The following CA10 variants were observed in gnomAD, a reference collection of about 807,000 sequenced individuals.
CA10 encodes carbonic anhydrase 10 (inactive).
Under a neutral mutation model 44.2 loss-of-function variants are expected in CA10, and 14 were observed. That is an observed-to-expected ratio of 0.32 (90% CI 0.21 to 0.50). The LOEUF (loss-of-function observed/expected upper bound fraction) is 0.50, where lower values mean the gene tolerates loss of function less well. Ranked by LOEUF, CA10 falls within the 20% of genes least tolerant of loss-of-function variation. The pLI is 0.99. For missense variants in CA10, 350 were observed against 409.7 expected (o/e 0.85, Z 1.26); for synonymous variants, 159 against 141.6 (o/e 1.12, Z -0.87).
chr17:51,896,581 A>G (rs1192857831), intron 3 of CA10, among the ~76,000 whole-genome samples: 1 of 152,066 alleles, frequency 6.6e-6, no homozygotes, highest in Non-Finnish European at 1.5e-5. Context: ...CACAATTTAT[A>G]TATCTTTGGT....
rs369495711 is a variant in CA10, at chr17:52,040,795, A to G, written c.136+31524T>C. On this transcript the variant is annotated intron_variant, in intron 2 of 8. Coordinates refer to ENST00000451037, the MANE Select transcript of CA10 (RefSeq NM_020178.5). ...GGTGCAAGTTACTGAAGAGGAAGGA[A>G]CTATTCCAAGATGGACTGCCAGAAA... Among the ~76,000 whole-genome samples, 16 of 152,158 alleles carry G rather than the reference A, an allele frequency of 1.1e-4. No homozygotes were observed. In the South Asian group the frequency reaches 3.1e-3, roughly 30 times the overall value.
In CA10 at chr17:51,878,867, TATATATATATATATATA is replaced by T. The variant is rs1567870802; in HGVS notation, c.279+52106_279+52122del. ...ATATATATATATATATATATATATA[TATATATATATATATATA>T]TATATATGGGTGTGTGTGTGTGTGT... On this transcript the variant is annotated intron_variant, in intron 3 of 8. Coordinates refer to ENST00000451037, the MANE Select transcript of CA10 (RefSeq NM_020178.5). Among the ~76,000 whole-genome samples the T allele has an allele frequency of 1.0e-3, 27 of 27,058 alleles. 1 individual carries two copies. Among genetic ancestry groups the T allele is most frequent in the African/African-American group, 3.7e-3 (22 of 5,932 alleles). The allele number at this position is 27,058 out of a possible 152,430, so 17.8% of individuals were successfully genotyped here.
chr17:52,102,023 A>T (rs1370882615), intron 1 of CA10, among the ~76,000 whole-genome samples: 3 of 152,100 alleles, frequency 2.0e-5, no homozygotes, highest in Non-Finnish European at 4.4e-5. Flanking sequence ...TTCCACTAAA[A>T]TTTAAAATCC....
chr17:52,021,151 T>C (rs1482234314), intron 2 of CA10, among the ~76,000 whole-genome samples: 1 of 152,064 alleles, frequency 6.6e-6, no homozygotes, highest in Non-Finnish European at 1.5e-5. Flanking sequence ...GCAGAATAAA[T>C]GGAATGGCAT....
intron 7 of CA10, among the ~76,000 whole-genome samples, chr17:51,634,332 G>GAGTT (rs1265534284): frequency 6.6e-6 from 1 of 152,198 alleles, no homozygotes; most frequent in Non-Finnish European, 1.5e-5. Context: ...CTTAAGTGGG[G>GAGTT]AGTTACTGTT....
chr17:52,061,505 T>C (rs1987384250), intron 2 of CA10, among the ~76,000 whole-genome samples: 1 of 152,160 alleles, frequency 6.6e-6, no homozygotes, highest in African/African-American at 2.4e-5. Context: ...ACTGATATGG[T>C]TAGCCTTTGT....
chr17:51,638,333 A>C (rs1208691317), intron 6 of CA10, among the ~76,000 whole-genome samples: 1 of 152,218 alleles, frequency 6.6e-6, no homozygotes, highest in Non-Finnish European at 1.5e-5. Context: ...AGATAGCTTC[A>C]CCAAGCTGGA....
chr17:52,134,260 C>A (rs1416351586), intron 1 of CA10, among the ~76,000 whole-genome samples: 1 of 152,166 alleles, frequency 6.6e-6, no homozygotes, highest in Non-Finnish European at 1.5e-5. Flanking sequence ...AAATAACCTC[C>A]CATCAGCTTC....
chr17:51,733,793 A>G (rs1249261543), intron 4 of CA10, among the ~76,000 whole-genome samples: 1 of 152,174 alleles, frequency 6.6e-6, no homozygotes, highest in Non-Finnish European at 1.5e-5. Context: ...TTGAAACAAA[A>G]CCTAAGTAGA....
Position 51,756,254 on chromosome 17 carries a change from T to C in CA10, c.280-8436A>G, listed in dbSNP as rs1458771208. The stretch of plus-strand genomic sequence containing the variant: ...CCATCATCATCTCATTTCACCCTTA[T>C]GCTGCCCAGGTGAGGAAGGCATTAT... On this transcript the variant is annotated intron_variant, in intron 3 of 8. Coordinates refer to ENST00000451037, the MANE Select transcript of CA10 (RefSeq NM_020178.5). 5.3e-5 allele frequency among the ~76,000 whole-genome samples: 8 copies of C among 152,286 alleles called. No homozygotes were observed. In the East Asian group the frequency reaches 1.4e-3, roughly 26 times the overall value.
At chr17:52,064,207 G>A (rs976510405) in intron 2 of CA10, among the ~76,000 whole-genome samples, 2 of 152,144 alleles carry the variant, frequency 1.3e-5, no homozygotes, top group Admixed American at 1.3e-4. Flanking sequence ...ATTGAATTCT[G>A]CCAAGGACCC....
intron 3 of CA10, among the ~76,000 whole-genome samples, chr17:51,928,538 G>C (rs981339136): frequency 1.3e-5 from 2 of 152,060 alleles, no homozygotes; most frequent in African/African-American, 4.8e-5. Context: ...TCACAGTTTT[G>C]TGCATAAGAT....
At chr17:51,822,396 C>T (rs1002284991) in intron 3 of CA10, among the ~76,000 whole-genome samples, 1 of 151,856 alleles carries the variant, frequency 6.6e-6, no homozygotes, top group Non-Finnish European at 1.5e-5. Context: ...GCCTGGGTGA[C>T]AGAGCAAGAC....
intron 3 of CA10, among the ~76,000 whole-genome samples, chr17:51,795,345 C>A (rs1221180711): frequency 1.3e-5 from 2 of 152,190 alleles, no homozygotes; most frequent in African/African-American, 4.8e-5. Context: ...CATCTAAACA[C>A]AATTCTGTTC....
chr17:51,974,673 TTA>T (rs1984401484), intron 2 of CA10, among the ~76,000 whole-genome samples: 1 of 152,104 alleles, frequency 6.6e-6, no homozygotes, highest in Non-Finnish European at 1.5e-5. Flanking sequence ...TGCTGAAAAC[TTA>T]TTTTACTATT....
chr17:52,083,594 T>A (rs183700584), intron 1 of CA10, among the ~76,000 whole-genome samples: 41 of 152,256 alleles, frequency 2.7e-4, no homozygotes, highest in African/African-American at 9.6e-4. Context: ...GTCTCCAATG[T>A]CTATTATTCC....
intron 3 of CA10, among the ~76,000 whole-genome samples, chr17:51,828,849 CATT>C (rs769821522): frequency 2.0e-5 from 3 of 152,120 alleles, no homozygotes; most frequent in Non-Finnish European, 4.4e-5. Context: ...GTCTTTTTCT[CATT>C]AATAATATGT....
intron 3 of CA10, among the ~76,000 whole-genome samples, chr17:51,768,468 T>A (rs1240306912): frequency 6.6e-6 from 1 of 152,228 alleles, no homozygotes; most frequent in Non-Finnish European, 1.5e-5. Context: ...AATCTTCTGA[T>A]AAATTGAATT....
At chr17:52,009,223 T>C (rs534015161) in intron 2 of CA10, among the ~76,000 whole-genome samples, 1 of 152,082 alleles carries the variant, frequency 6.6e-6, no homozygotes, top group Non-Finnish European at 1.5e-5. Context: ...ATGCCACTTA[T>C]TGTTTTCTAT....
Sources: gnomAD v4.1 joint callset for allele counts (sites outside exome capture counted in the v4.1 genomes callset) on GRCh38, gnomAD v4.1.1 for gene constraint, MANE v1.5 for transcripts, NCBI Gene and HGNC (gene_info 2026-07-23, HGNC 2026-07-21) for gene names.